MCM2: variants seen among roughly 807,000 people sequenced by gnomAD.
MCM2 encodes DNA replication licensing factor MCM2.
Under a neutral mutation model 86.4 loss-of-function variants are expected in MCM2, and 49 were observed. That is an observed-to-expected ratio of 0.57 (90% CI 0.45 to 0.72). MCM2 has a LOEUF of 0.72. Among genes scored for constraint, MCM2 ranks in the 30% least tolerant of loss-of-function variants. The pLI is 0.00. For synonymous variants in MCM2, 475 were observed against 484.6 expected, an observed-to-expected ratio of 0.98 and a Z score of 0.26; for missense variants, 1,038 against 1,259.9, an observed-to-expected ratio of 0.82 and a Z score of 2.67.
At chr3:127,600,874 T>C (rs973072251) in intron 2 of MCM2, among the ~76,000 whole-genome samples, 4 of 150,022 alleles carry the variant, frequency 2.7e-5, no homozygotes, top group Non-Finnish European at 5.9e-5. Flanking sequence ...TTTGTGGTTT[T>C]TCAAAAAAAA....
At chr3:127,620,651 C>A in intron 13 of MCM2, 47 bp from the exon 14 acceptor site, 1 of 1,526,460 alleles carries the variant, frequency 6.6e-7, no homozygotes, top group South Asian at 1.3e-5. Flanking sequence ...ATTTTCCTTG[C>A]TTCTCTTTCC....
Position 127,619,062 on chromosome 3 carries a change from C to T in MCM2, c.2049C>T (p.His683=), listed in dbSNP as rs768974172. 3.7e-6 allele frequency: 6 copies of T among 1,610,676 alleles called. No homozygotes were observed. Among genetic ancestry groups the T allele is most frequent in the Non-Finnish European group, 5.1e-6 (6 of 1,177,758 alleles). Residue 683 remains histidine (H), a synonymous_variant, in exon 13 of 16, where the codon CAC becomes CAT. Coordinates refer to ENST00000265056, the MANE Select transcript of MCM2 (RefSeq NM_004526.4). The stretch of plus-strand genomic sequence containing the variant: ...TGGCCCGCTTCGTGGTGGGCAGCCA[C>T]GTCAGACACCACCCCAGCAACAAGG... The part of the protein sequence containing the change: ...EMLARFVVGS[H]VRHHPSNKEE...
In MCM2 at chr3:127,606,578, C is replaced by A; in HGVS notation, c.894-32C>A. 1 of 1,599,022 alleles carries A rather than the reference C, an allele frequency of 6.3e-7. No individual in the cohort carries two copies. Among genetic ancestry groups the A allele is most frequent in the South Asian group, 1.1e-5 (1 of 90,730 alleles). ...TCTGCAGCCTGGCCTCACCCTGGCTCACGGCTTCTGATGCACCCTCTGCCT... is the reference window on the plus strand; with the variant it reads ...TCTGCAGCCTGGCCTCACCCTGGCTAACGGCTTCTGATGCACCCTCTGCCT... On this transcript the variant is annotated intron_variant, in intron 5 of 15. Transcript: ENST00000265056. The surrounding 1 kb of genome is among the most constrained non-coding windows in gnomAD (Gnocchi z 4.2).
chr3:127,621,931 G>GT lies in MCM2; in HGVS notation c.*161dup. On this transcript the variant is annotated 3_prime_UTR_variant, in exon 16 of 16. Coordinates refer to ENST00000265056, the MANE Select transcript of MCM2 (RefSeq NM_004526.4). The stretch of plus-strand genomic sequence containing the variant: ...CTGGCTGCACCTGGCATGACTGTTT[G>GT]TTTCTCCAAGCCTGCTTTGTGCTTC... 3.6e-5 allele frequency: 21 copies of GT among 581,706 alleles called. 1 individual carries two copies. In the South Asian group the frequency reaches 4.4e-4, roughly 12 times the overall value. 36.0% of individuals were successfully genotyped at this position (581,706 alleles called of 1,614,324 possible). A position where few individuals can be genotyped will look rare whatever the true frequency, so the allele number is the denominator to read the frequency against.
rs1321427047 is a variant in MCM2, at chr3:127,606,069, C to T, written c.674-49C>T. On this transcript the variant is annotated intron_variant, in intron 4 of 15. Transcript: ENST00000265056. The surrounding 1 kb of genome is among the most constrained non-coding windows in gnomAD (Gnocchi z 4.2). The stretch of plus-strand genomic sequence containing the variant: ...TCACACAGGCATTGTTGCAGCCCAG[C>T]CCAGGCCTCATGCTTAGTTAACTCT... 1 of 1,460,324 alleles carries T rather than the reference C, an allele frequency of 6.8e-7. No homozygotes were observed. Among genetic ancestry groups the T allele is most frequent in the East Asian group, 2.3e-5 (1 of 43,890 alleles). 90.5% of individuals were successfully genotyped at this position (1,460,324 alleles called of 1,614,324 possible). A position where few individuals can be genotyped will look rare whatever the true frequency, so the allele number is the denominator to read the frequency against.
intron 1 of MCM2, 146 bp downstream of exon 1, chr3:127,598,618 C>A: frequency 8.6e-7 from 1 of 1,163,496 alleles, no homozygotes; most frequent in Non-Finnish European, 1.2e-6. Flanking sequence ...CTCGCCTGCA[C>A]CCTGCGTGAG....
intron 2 of MCM2, among the ~76,000 whole-genome samples, chr3:127,601,452 C>T (rs1230439269): frequency 2.0e-5 from 3 of 152,178 alleles, no homozygotes; most frequent in Non-Finnish European, 4.4e-5. Context: ...CCTCCGCCTC[C>T]CAGGTTCAAG....
Position 127,621,117 on chromosome 3 carries a change from G to C in MCM2, c.2493G>C (p.Leu831=). 3 of 1,614,248 alleles carry C rather than the reference G, an allele frequency of 1.9e-6. No homozygotes were observed. Among genetic ancestry groups the C allele is most frequent in the Non-Finnish European group, 2.5e-6 (3 of 1,180,046 alleles). ...YLSFRRDNNE[L]LLFILKQLVA... ...CATTCCGGCGTGACAACAATGAGCT[G>C]TTGCTCTTCATACTGAAGCAGTTAG... is the stretch of plus-strand genomic sequence containing the variant. The change falls in exon 15 of 16, where the codon CTG becomes CTC. Residue 831 remains leucine (L), a synonymous_variant. Transcript: ENST00000265056.
intron 7 of MCM2, 149 bp downstream of exon 7, chr3:127,608,665 TG>T: frequency 7.8e-7 from 1 of 1,278,004 alleles, no homozygotes; most frequent in Non-Finnish European, 1.1e-6. Context: ...AACTTTCTTC[TG>T]GTGGATGGGT....
intron 7 of MCM2, 86 bp downstream of exon 7, chr3:127,608,602 A>G (rs569247132): frequency 3.2e-5 from 50 of 1,556,236 alleles, no homozygotes; most frequent in Middle Eastern, 1.8e-4. Context: ...GGCGGTGTCT[A>G]TGGTCGCAGG....
rs150844852 is a variant in MCM2 at position 127,604,649 on chromosome 3, A to C, written c.278A>C (p.Glu93Ala). ...AIPELDAYEA[E>A]GLALDDEDVE... ...CCAGAGCTGGACGCCTATGAGGCCG[A>C]GGGACTGGCTCTGGATGATGAGGAC... The change falls in exon 3 of 16, where the codon GAG becomes GCG. Residue 93 changes from glutamate to alanine, a missense_variant. Around this residue, in one of 4 missense-constraint regions of MCM2, gnomAD observed 300 missense variants for 307.4 expected, o/e 0.98. Coordinates refer to ENST00000265056, the MANE Select transcript of MCM2 (RefSeq NM_004526.4). The C allele has an allele frequency of 5.4e-5, 87 of 1,613,272 alleles. No homozygotes were observed. The African/African-American group carries it at 1.0e-3, about 19-fold the overall frequency.
chr3:127,609,628 G>GTATA (rs1365831202), intron 8 of MCM2, among the ~76,000 whole-genome samples: 2 of 151,914 alleles, frequency 1.3e-5, no homozygotes, highest in Non-Finnish European at 2.9e-5. Flanking sequence ...TTGGTTTTTA[G>GTATA]TATAGACATC....
chr3:127,608,752 A>G, intron 7 of MCM2, 80 bp from the exon 8 acceptor site: 1 of 1,440,022 alleles, frequency 6.9e-7, no homozygotes, highest in South Asian at 1.2e-5. Context: ...CACTTGCAAT[A>G]GGAGAAACTG....
At chr3:127,620,340 A>G (rs1424007960) in intron 13 of MCM2, among the ~76,000 whole-genome samples, 2 of 152,208 alleles carry the variant, frequency 1.3e-5, no homozygotes, top group African/African-American at 4.8e-5. Context: ...ACAAACAACG[A>G]CCTTTTTTTG....
chr3:127,620,726 G>C lies in MCM2; in HGVS notation c.2294G>C (p.Arg765Pro). The change falls in exon 14 of 16, where the codon CGG becomes CCG. Residue 765 changes from arginine to proline, a missense_variant. This residue lies in a region of MCM2 where 336 missense variants were observed against 425.7 expected (regional missense o/e 0.79). Transcript: ENST00000265056. ...MATGSIPITV[R>P]HIESMIRMAE... ...ACAGGCAGCATCCCCATTACGGTGC[G>C]GCACATCGAGTCCATGATCCGCATG... is the stretch of plus-strand genomic sequence containing the variant. 1 of 1,608,242 alleles carries C rather than the reference G, an allele frequency of 6.2e-7. No individual in the cohort carries two copies. The highest frequency in any genetic ancestry group is 1.1e-5 in the South Asian group (1 of 90,682).
chr3:127,600,621 G>A (rs914572301), intron 2 of MCM2, among the ~76,000 whole-genome samples: 1 of 152,188 alleles, frequency 6.6e-6, no homozygotes, highest in Admixed American at 6.5e-5. Flanking sequence ...TGTGCTGTAG[G>A]CTGTAGAAGG....
In MCM2 at chr3:127,617,276, C is replaced by T; in HGVS notation, c.1774-3C>T. 7 of 1,614,030 alleles carry T rather than the reference C, an allele frequency of 4.3e-6. No individual in the cohort carries two copies. The highest frequency in any genetic ancestry group is 5.9e-6 in the Non-Finnish European group (7 of 1,179,948). ...CTAAGGGTGGGCCATTTTAATCTTGCAGATGAATGACCAGGACAGAACCAG... is the reference window on the plus strand; with the variant it reads ...CTAAGGGTGGGCCATTTTAATCTTGTAGATGAATGACCAGGACAGAACCAG... On this transcript the variant is annotated splice_region_variant and splice_polypyrimidine_tract_variant and intron_variant, in intron 10 of 15. Transcript: ENST00000265056. This position sits in a 1 kb window ranked among gnomAD's most constrained non-coding sequence, Gnocchi z 4.1.
rs936705063 is a variant in MCM2, at chr3:127,617,567, A to G, written c.1900+162A>G. 7.6e-6 allele frequency: 7 copies of G among 916,122 alleles called. No homozygotes were observed. The highest frequency in any genetic ancestry group is 2.9e-5 in the Admixed American group (1 of 34,378). 56.7% of individuals were successfully genotyped at this position (916,122 alleles called of 1,614,324 possible). A position where few individuals can be genotyped will look rare whatever the true frequency, so the allele number is the denominator to read the frequency against. ...TATCCTGCCAGAGTGGGGAACAGTG[A>G]AAGTGGGACCTGGGACACCTGGGTT... On this transcript the variant is annotated intron_variant, in intron 11 of 15. Coordinates refer to ENST00000265056, the MANE Select transcript of MCM2 (RefSeq NM_004526.4). This position sits in a 1 kb window ranked among gnomAD's most constrained non-coding sequence, Gnocchi z 4.1.
chr3:127,621,206 C>T lies in MCM2; in HGVS notation c.2582C>T (p.Pro861Leu). The T allele has an allele frequency of 1.9e-6, 3 of 1,614,146 alleles. No individual in the cohort carries two copies. The South Asian group carries it at 3.3e-5, about 18-fold the overall frequency. Residue 861 changes from proline to leucine, a missense_variant, in exon 15 of 16, where the codon CCT becomes CTT. Pro to Leu is a moderately conservative substitution (Grantham distance 98). Coordinates refer to ENST00000265056, the MANE Select transcript of MCM2 (RefSeq NM_004526.4). ...FGAQQDTIEVPEKDLVDKARQ... is the reference protein window; with the variant it reads ...FGAQQDTIEVLEKDLVDKARQ... The stretch of plus-strand genomic sequence containing the variant: ...GCCCAGCAGGACACTATTGAGGTCC[C>T]TGAGAAGGACTTGGTGGATAAGGTA...
Sources: gnomAD v4.1 joint callset for allele counts (sites outside exome capture counted in the v4.1 genomes callset) on GRCh38, gnomAD v4.1.1 for gene constraint, gnomAD v4.1.1 regional missense constraint, Gnocchi (gnomAD v3.1) non-coding constraint, MANE v1.5 for transcripts, NCBI Gene and HGNC (gene_info 2026-07-23, HGNC 2026-07-21) for gene names.